JAKMIP2: variants seen among roughly 807,000 people sequenced by gnomAD.
JAKMIP2 encodes the protein janus kinase and microtubule-interacting protein 2.
In JAKMIP2, 25 loss-of-function variants were observed where a neutral mutation model predicts 115.0. The observed-to-expected ratio is 0.22, with a 90% confidence interval of 0.16 to 0.30. The LOEUF (loss-of-function observed/expected upper bound fraction) is 0.30, where lower values mean the gene tolerates loss of function less well. Ranked by LOEUF, JAKMIP2 falls within the 10% of genes least tolerant of loss-of-function variation. The probability of loss-of-function intolerance (pLI) is 1.00; values close to 1 mark genes in which losing one functional copy is unlikely to be tolerated. For synonymous variants in JAKMIP2, 334 were observed against 343.6 expected (o/e 0.97, Z 0.31); for missense variants, 642 against 957.6 (o/e 0.67, Z 4.35).
chr5:147,728,468 A>G (rs1309438426), intron 1 of JAKMIP2, among the ~76,000 whole-genome samples: 1 of 152,158 alleles, frequency 6.6e-6, no homozygotes, highest in African/African-American at 2.4e-5. Flanking sequence ...GTGCCACATT[A>G]TTAGGTCCTA....
intron 10 of JAKMIP2, among the ~76,000 whole-genome samples, chr5:147,638,192 C>T (rs1757713465): frequency 2.0e-5 from 3 of 151,842 alleles, no homozygotes; most frequent in Admixed American, 2.0e-4. Flanking sequence ...TTTAAATTTA[C>T]TCTGTTGTTC....
intron 1 of JAKMIP2, among the ~76,000 whole-genome samples, chr5:147,761,155 G>T (rs1028923879): frequency 6.6e-6 from 1 of 151,972 alleles, no homozygotes; most frequent in Admixed American, 6.6e-5. Flanking sequence ...CTAAATCAAG[G>T]TGTTCCCAGC....
At chr5:147,656,087 A>C (rs1758658864) in intron 3 of JAKMIP2, among the ~76,000 whole-genome samples, 1 of 152,150 alleles carries the variant, frequency 6.6e-6, no homozygotes, top group Non-Finnish European at 1.5e-5. Flanking sequence ...GTTCTTTTGC[A>C]TTTGCTGAGG....
At chr5:147,601,985 C>G (rs916807421) in intron 20 of JAKMIP2, among the ~76,000 whole-genome samples, 174 bp from the exon 21 acceptor site, 21 of 152,146 alleles carry the variant, frequency 1.4e-4, no homozygotes, top group Non-Finnish European at 2.8e-4. Context: ...GACAGAGTAT[C>G]AGTGTTCAAC....
intron 1 of JAKMIP2, among the ~76,000 whole-genome samples, chr5:147,708,098 G>C (rs1449479965): frequency 6.6e-6 from 1 of 152,136 alleles, no homozygotes; most frequent in African/African-American, 2.4e-5. Context: ...TTGAGTCAAA[G>C]ATTATGAAAT....
chr5:147,740,981 A>G (rs2126994427), intron 1 of JAKMIP2, among the ~76,000 whole-genome samples: 1 of 152,254 alleles, frequency 6.6e-6, no homozygotes, highest in Middle Eastern at 3.4e-3. Context: ...AGCCCTTCAC[A>G]GTATCCTAGA....
intron 1 of JAKMIP2, among the ~76,000 whole-genome samples, chr5:147,684,847 G>A (rs536048315): frequency 6.6e-6 from 1 of 152,274 alleles, no homozygotes; most frequent in African/African-American, 2.4e-5. Context: ...TATTGCAAAT[G>A]ATCAGAGATA....
At chr5:147,740,385 T>G (rs747186975) in intron 1 of JAKMIP2, among the ~76,000 whole-genome samples, 3 of 152,242 alleles carry the variant, frequency 2.0e-5, no homozygotes, top group Non-Finnish European at 2.9e-5. Context: ...GAAGCCAGAC[T>G]GCACATTGCT....
chr5:147,613,600 C>A (rs141216955), intron 19 of JAKMIP2, among the ~76,000 whole-genome samples: 34 of 152,250 alleles, frequency 2.2e-4, no homozygotes, highest in African/African-American at 7.5e-4. Context: ...GCAACCATCA[C>A]CACTATCTAA....
In JAKMIP2 at chr5:147,636,211, G is replaced by A. The variant is rs139520883; in HGVS notation, c.1677+11C>T. 1,020 of 1,609,920 alleles carry A rather than the reference G, an allele frequency of 6.3e-4. 5 individuals are homozygous for A. The African/African-American group carries it at 0.012, about 19-fold the overall frequency. ...CTCCTCTGCCCCGCTAGGGTGTTGTGCCCAACATACCTTTTCTAAAAGCTC... is the reference window on the plus strand; with the variant it reads ...CTCCTCTGCCCCGCTAGGGTGTTGTACCCAACATACCTTTTCTAAAAGCTC... On this transcript the variant is annotated intron_variant, in intron 12 of 21. Coordinates refer to ENST00000616793, the MANE Select transcript of JAKMIP2 (RefSeq NM_001270941.2).
chr5:147,716,041 G>T (rs1752974631), intron 1 of JAKMIP2, among the ~76,000 whole-genome samples: 1 of 133,540 alleles, frequency 7.5e-6, no homozygotes, highest in Non-Finnish European at 1.5e-5. Flanking sequence ...TCCCCTTCCT[G>T]TGTCCATGTG....
intron 1 of JAKMIP2, among the ~76,000 whole-genome samples, chr5:147,772,497 A>C (rs1377300640): frequency 6.6e-6 from 1 of 151,200 alleles, no homozygotes; most frequent in Non-Finnish European, 1.5e-5. Context: ...CCACAGTTCA[A>C]CTCCAGATGC....
chr5:147,764,974 G>A (rs369336637), intron 1 of JAKMIP2, among the ~76,000 whole-genome samples: 8 of 98,110 alleles, frequency 8.2e-5, no homozygotes, highest in South Asian at 6.5e-4. Context: ...GAGGGGGAGA[G>A]AGAGAGAGAG....
intron 21 of JAKMIP2, chr5:147,594,462 G>A (rs1240328681): frequency 2.2e-6 from 1 of 454,934 alleles, no homozygotes; most frequent in Non-Finnish European, 4.4e-6. Context: ...AGCCTCCCAA[G>A]TAGCTGGTAC....
At chr5:147,607,381 GA>G (rs1273550329) in intron 20 of JAKMIP2, among the ~76,000 whole-genome samples, 1 of 152,194 alleles carries the variant, frequency 6.6e-6, no homozygotes, top group Non-Finnish European at 1.5e-5. Context: ...TTTTTAGCAT[GA>G]ATGGGTGTTG....
intron 1 of JAKMIP2, among the ~76,000 whole-genome samples, chr5:147,752,776 A>T (rs1280019083): frequency 2.0e-5 from 3 of 152,122 alleles, no homozygotes; most frequent in African/African-American, 7.2e-5. Context: ...TGGTGAATTA[A>T]ACATCAAGGG....
intron 18 of JAKMIP2, 83 bp from the exon 19 acceptor site, chr5:147,618,197 T>C: frequency 2.0e-6 from 2 of 997,638 alleles, no homozygotes; most frequent in Admixed American, 1.8e-5. Flanking sequence ...TATGTATATG[T>C]ATATGGCTGC....
At chr5:147,665,693 T>G (rs1195920330) in intron 2 of JAKMIP2, among the ~76,000 whole-genome samples, 2 of 152,228 alleles carry the variant, frequency 1.3e-5, no homozygotes, top group African/African-American at 4.8e-5. Flanking sequence ...TAAAAATGTC[T>G]GTAACTGGGT....
chr5:147,611,759 C>T (rs1756339036), intron 20 of JAKMIP2, among the ~76,000 whole-genome samples: 1 of 152,154 alleles, frequency 6.6e-6, no homozygotes, highest in Non-Finnish European at 1.5e-5. Flanking sequence ...TTTCCAAGTG[C>T]CCTCTGTAAG....
Sources: allele counts gnomAD v4.1 joint callset (sites outside exome capture counted in the v4.1 genomes callset), GRCh38; gene constraint gnomAD v4.1.1; transcripts MANE v1.5; gene names NCBI Gene and HGNC (gene_info 2026-07-23, HGNC 2026-07-21).